Variants in CDK6 observed in about 807,000 individuals in gnomAD.
CDK6 encodes cyclin dependent kinase 6, also known as cyclin-dependent kinase 6.
CDK6 carries 6 observed loss-of-function variants against 37.1 expected under a neutral mutation model. The ratio of observed to expected loss-of-function variants is 0.16; its 90% CI spans 0.09 to 0.32. The LOEUF (loss-of-function observed/expected upper bound fraction) is 0.32. Ranked by LOEUF, CDK6 falls within the 10% of genes least tolerant of loss-of-function variation. The pLI is 1.00. For missense variants in CDK6, 224 were observed against 418.9 expected (o/e 0.53, Z 4.06); for synonymous variants, 160 against 161.3 (o/e 0.99, Z 0.06).
rs949334531 is a variant in CDK6, at chr7:92,835,691, T to A, written c.-368+787A>T. Among the ~76,000 whole-genome samples the A allele has an allele frequency of 3.3e-5, 5 of 151,822 alleles. No homozygotes were observed. Among genetic ancestry groups the A allele is most frequent in the Non-Finnish European group, 5.9e-5 (4 of 67,952 alleles). On this transcript the variant is annotated intron_variant, in intron 1 of 7. Coordinates refer to ENST00000424848, the MANE Select transcript of CDK6 (RefSeq NM_001145306.2). The surrounding 1 kb of genome is among the most constrained non-coding windows in gnomAD (Gnocchi z 4.2). The stretch of plus-strand genomic sequence containing the variant: ...CGAAGCCTGCCAAGCACCACAAGGG[T>A]CGCCACCAGCACAGCGACAAGAGGC...
chr7:92,825,967 C>T (rs1801300781), intron 2 of CDK6, among the ~76,000 whole-genome samples: 2 of 152,122 alleles, frequency 1.3e-5, no homozygotes, highest in African/African-American at 4.8e-5. Context: ...AATGAAACTT[C>T]CTTTTTTCAG....
chr7:92,715,077 A>G (rs2116689118), intron 4 of CDK6, among the ~76,000 whole-genome samples: 1 of 152,362 alleles, frequency 6.6e-6, no homozygotes, highest in South Asian at 2.1e-4. Context: ...CGTCACCATG[A>G]AATCTATCAA....
intron 4 of CDK6, among the ~76,000 whole-genome samples, chr7:92,698,382 C>T (rs917550050): frequency 1.3e-5 from 2 of 152,140 alleles, no homozygotes; most frequent in Non-Finnish European, 2.9e-5. Flanking sequence ...TTTTCCCTCG[C>T]GCTACCACAT....
chr7:92,687,210 C>T (rs1797477903), intron 4 of CDK6, among the ~76,000 whole-genome samples: 1 of 152,236 alleles, frequency 6.6e-6, no homozygotes, highest in South Asian at 2.1e-4. Flanking sequence ...CAGTACACCT[C>T]TCTTACAGCC....
Position 92,610,670 on chromosome 7 carries a change from A to C in CDK6, c.*4470T>G, listed in dbSNP as rs1167723296. 6 of 227,320 alleles carry C rather than the reference A, an allele frequency of 2.6e-5. No homozygotes were observed. Among genetic ancestry groups the C allele is most frequent in the Non-Finnish European group, 5.2e-5 (6 of 114,500 alleles). 14.1% of individuals were successfully genotyped at this position (227,320 alleles called of 1,614,324 possible). A position where few individuals can be genotyped will look rare whatever the true frequency, so the allele number is the denominator to read the frequency against. On this transcript the variant is annotated 3_prime_UTR_variant, in exon 8 of 8. Transcript: ENST00000424848. ...TTCTCATGCTTTTGAGGAAAACAGC[A>C]TTTCTAATTACTCTAAGGACTTACA... is the stretch of plus-strand genomic sequence containing the variant.
chr7:92,671,619 A>G, intron 4 of CDK6, 84 bp from the exon 5 acceptor site: 1 of 678,680 alleles, frequency 1.5e-6, no homozygotes, highest in Non-Finnish European at 2.4e-6. Context: ...TTTAATGACA[A>G]GATGTAGTTC....
intron 2 of CDK6, among the ~76,000 whole-genome samples, chr7:92,796,091 A>G (rs1251331740): frequency 1.1e-5 from 1 of 93,064 alleles, no homozygotes; most frequent in Non-Finnish European, 2.2e-5. Flanking sequence ...TAACTTGGAG[A>G]AAAAAAAAAA....
intron 2 of CDK6, among the ~76,000 whole-genome samples, chr7:92,825,559 T>C (rs551894001): frequency 2.0e-5 from 3 of 152,216 alleles, no homozygotes; most frequent in East Asian, 1.9e-4. Flanking sequence ...ACCTACCAGT[T>C]TGTCAAGATG....
At chr7:92,799,645 A>G (rs1256698247) in intron 2 of CDK6, among the ~76,000 whole-genome samples, 2 of 152,144 alleles carry the variant, frequency 1.3e-5, no homozygotes, top group Non-Finnish European at 2.9e-5. Context: ...GAAGGTTGGC[A>G]TGGGTGAACA....
intron 3 of CDK6, among the ~76,000 whole-genome samples, chr7:92,734,805 T>C (rs1338496181): frequency 6.6e-6 from 1 of 152,182 alleles, no homozygotes; most frequent in Non-Finnish European, 1.5e-5. Flanking sequence ...AACATGTTCA[T>C]ATGTGTTGAG....
chr7:92,819,084 T>C (rs1245538032), intron 2 of CDK6, among the ~76,000 whole-genome samples: 1 of 152,046 alleles, frequency 6.6e-6, no homozygotes, highest in Non-Finnish European at 1.5e-5. Context: ...AAATGAAGCA[T>C]ATGTCATATC....
chr7:92,806,375 T>A (rs1253487880), intron 2 of CDK6, among the ~76,000 whole-genome samples: 1 of 152,184 alleles, frequency 6.6e-6, no homozygotes, highest in Non-Finnish European at 1.5e-5. Flanking sequence ...TCTGAAGTGA[T>A]CTTTTGTTTT....
chr7:92,766,948 A>G (rs1044853996), intron 3 of CDK6, among the ~76,000 whole-genome samples: 2 of 152,106 alleles, frequency 1.3e-5, no homozygotes, highest in Non-Finnish European at 2.9e-5. Flanking sequence ...TCTTAAACCC[A>G]TATTTCCTAT....
At chr7:92,640,476 C>A (rs1423452492) in intron 5 of CDK6, among the ~76,000 whole-genome samples, 1 of 152,118 alleles carries the variant, frequency 6.6e-6, no homozygotes, top group African/African-American at 2.4e-5. Context: ...GAGTCTATCC[C>A]AACTTGGAGC....
At chr7:92,813,227 G>A (rs895208908) in intron 2 of CDK6, among the ~76,000 whole-genome samples, 2 of 152,150 alleles carry the variant, frequency 1.3e-5, no homozygotes, top group Non-Finnish European at 1.5e-5. Flanking sequence ...GCCAGAATTC[G>A]TTTACTGGAA....
chr7:92,689,903 G>A (rs146710106), intron 4 of CDK6, among the ~76,000 whole-genome samples: 276 of 152,148 alleles, frequency 1.8e-3, no homozygotes, highest in Middle Eastern at 6.8e-3. Context: ...TTTTTTTCGT[G>A]ATTGTTGGCT....
intron 5 of CDK6, among the ~76,000 whole-genome samples, chr7:92,668,206 T>A (rs965786179): frequency 1.3e-5 from 2 of 152,236 alleles, no homozygotes; most frequent in Non-Finnish European, 2.9e-5. Flanking sequence ...TAATATGTCA[T>A]ACAGATTGGC....
At chr7:92,636,008 T>C (rs550919716) in intron 5 of CDK6, among the ~76,000 whole-genome samples, 2 of 152,314 alleles carry the variant, frequency 1.3e-5, no homozygotes, top group Non-Finnish European at 2.9e-5. Flanking sequence ...AAATGCAATC[T>C]ATCCGTAGCA....
At chr7:92,703,640 C>T (rs982549931) in intron 4 of CDK6, among the ~76,000 whole-genome samples, 12 of 152,176 alleles carry the variant, frequency 7.9e-5, no homozygotes, top group Non-Finnish European at 1.3e-4. Context: ...AAAATTTTAA[C>T]ATTTCATTTA....
Sources: allele counts gnomAD v4.1 joint callset (sites outside exome capture counted in the v4.1 genomes callset), GRCh38; gene constraint gnomAD v4.1.1; non-coding constraint Gnocchi (gnomAD v3.1); transcripts MANE v1.5; gene names NCBI Gene and HGNC (gene_info 2026-07-23, HGNC 2026-07-21).